Variants in NGEF observed in about 807,000 individuals in gnomAD.
NGEF encodes ephexin-1.
Under a neutral mutation model 80.9 loss-of-function variants are expected in NGEF, and 31 were observed. That is an observed-to-expected ratio of 0.38 (90% CI 0.29 to 0.52). The LOEUF (loss-of-function observed/expected upper bound fraction) is 0.52, where lower values mean the gene tolerates loss of function less well. Ranked by LOEUF, NGEF falls within the 20% of genes least tolerant of loss-of-function variation. The probability of loss-of-function intolerance (pLI) is 0.84; values close to 1 mark genes in which losing one functional copy is unlikely to be tolerated. For synonymous variants in NGEF, 371 were observed against 370.2 expected, an observed-to-expected ratio of 1.00 and a Z score of -0.03; for missense variants, 709 against 926.2, an observed-to-expected ratio of 0.77 and a Z score of 3.04.
chr2:232,948,611 G>A (rs574220908), intron 3 of NGEF, among the ~76,000 whole-genome samples: 2 of 152,146 alleles, frequency 1.3e-5, no homozygotes, highest in Non-Finnish European at 2.9e-5. Flanking sequence ...GGAGCTTATT[G>A]TGCTATTCTT....
intron 13 of NGEF, among the ~76,000 whole-genome samples, chr2:232,881,751 A>G (rs1356313092): frequency 1.3e-5 from 2 of 152,024 alleles, no homozygotes; most frequent in Admixed American, 1.3e-4. Context: ...GCTATTCCGT[A>G]TTTTTAGTAG....
chr2:233,003,458 G>A (rs907992920), intron 1 of NGEF, among the ~76,000 whole-genome samples: 1 of 152,132 alleles, frequency 6.6e-6, no homozygotes, highest in African/African-American at 2.4e-5. Flanking sequence ...ATGGACCCTC[G>A]GGTATCCGCC....
At chr2:232,909,489 G>A (rs1425783438) in intron 5 of NGEF, among the ~76,000 whole-genome samples, 3 of 151,844 alleles carry the variant, frequency 2.0e-5, no homozygotes, top group African/African-American at 7.3e-5. Context: ...ATATTTTTTG[G>A]AGGGGGTAAC....
intron 1 of NGEF, among the ~76,000 whole-genome samples, chr2:232,993,457 T>C (rs997704433): frequency 1.3e-5 from 2 of 151,958 alleles, no homozygotes. Flanking sequence ...GGAATCCTCA[T>C]GCACTGCAGA....
At position 232,925,574 on chromosome 2, in the gene NGEF, AG is replaced by A. The variant is rs760979570; in HGVS notation, c.526+1469del. ...TTCGGACTTCTGCCACCAGCCCAGC[AG>A]GTTCAGCCGTCTCCAAGAAAGACAG... is the stretch of plus-strand genomic sequence containing the variant. On this transcript the variant is annotated intron_variant, in intron 4 of 14. Transcript: ENST00000264051. 5.9e-5 allele frequency among the ~76,000 whole-genome samples: 9 copies of A among 152,270 alleles called. 1 individual carries two copies. Among genetic ancestry groups the A allele is most frequent in the Admixed American group, 1.3e-4 (2 of 15,298 alleles).
At chr2:232,895,260 C>G (rs1435612417) in intron 5 of NGEF, among the ~76,000 whole-genome samples, 2 of 152,170 alleles carry the variant, frequency 1.3e-5, no homozygotes, top group Non-Finnish European at 2.9e-5. Flanking sequence ...GGCGTGGTGA[C>G]TCACTCTTGT....
At chr2:232,972,891 G>T (rs561548600) in intron 2 of NGEF, among the ~76,000 whole-genome samples, 77 of 151,746 alleles carry the variant, frequency 5.1e-4, no homozygotes, top group African/African-American at 1.8e-3. Flanking sequence ...TGGGTAGCTG[G>T]CATTACAAGC....
chr2:232,967,494 C>A (rs76016196), intron 3 of NGEF, among the ~76,000 whole-genome samples: 3 of 82,368 alleles, frequency 3.6e-5, no homozygotes, highest in Non-Finnish European at 9.2e-5. Flanking sequence ...ACTACCATCC[C>A]GGACTTATTT....
intron 3 of NGEF, among the ~76,000 whole-genome samples, chr2:232,928,745 C>T (rs1018526941): frequency 4.6e-5 from 7 of 152,170 alleles, no homozygotes; most frequent in Non-Finnish European, 7.4e-5. Flanking sequence ...CAGCTACGCA[C>T]GACCCTGGCG....
At chr2:232,966,854 G>T (rs1232359923) in intron 3 of NGEF, among the ~76,000 whole-genome samples, 1 of 152,056 alleles carries the variant, frequency 6.6e-6, no homozygotes, top group Non-Finnish European at 1.5e-5. Flanking sequence ...CTCCAGTGAG[G>T]GTGGGGGGGG....
chr2:232,920,234 GGCCACCCCGGTGT>G, intron 5 of NGEF, 37 bp downstream of exon 5: 2 of 1,557,880 alleles, frequency 1.3e-6, no homozygotes, highest in East Asian at 4.5e-5. Flanking sequence ...CAGCAGTGAG[GGCCACCCCGGTGT>G]GCTGTGGGGG....
chr2:232,897,591 A>AAG, intron 5 of NGEF, among the ~76,000 whole-genome samples: 1 of 152,112 alleles, frequency 6.6e-6, no homozygotes, highest in African/African-American at 2.4e-5. Flanking sequence ...AAAATAAGGG[A>AAG]CGAATCTGGA....
At chr2:232,911,854 C>G (rs1183089746) in intron 5 of NGEF, among the ~76,000 whole-genome samples, 3 of 152,218 alleles carry the variant, frequency 2.0e-5, no homozygotes, top group Admixed American at 6.5e-5. Flanking sequence ...GGCCTTGTAT[C>G]TGGCAACCTT....
intron 3 of NGEF, among the ~76,000 whole-genome samples, chr2:232,933,732 C>T (rs1210609911): frequency 1.3e-5 from 2 of 152,244 alleles, no homozygotes; most frequent in Non-Finnish European, 2.9e-5. Context: ...TTTTCAAGTG[C>T]TGTTCCCTCC....
At chr2:232,904,113 C>A (rs914734486) in intron 5 of NGEF, among the ~76,000 whole-genome samples, 5 of 152,132 alleles carry the variant, frequency 3.3e-5, no homozygotes, top group African/African-American at 9.7e-5. Flanking sequence ...GACCACAGGG[C>A]CCCTTGCTTC....
chr2:232,934,600 T>TA (rs1362898050), intron 3 of NGEF, among the ~76,000 whole-genome samples: 1 of 152,194 alleles, frequency 6.6e-6, no homozygotes, highest in Non-Finnish European at 1.5e-5. Flanking sequence ...AGGCTGCTAT[T>TA]AAAATCTCCT....
In NGEF at chr2:232,974,656, CT is replaced by C. The variant is rs1257864922; in HGVS notation, c.234del (p.Asp79ThrfsTer20). On this transcript the variant is annotated frameshift_variant, in exon 2 of 15. Transcript: ENST00000264051. LOFTEE classifies it high-confidence loss of function. The stretch of plus-strand genomic sequence containing the variant: ...CAGCTGGCGTTCCGTTCGGGGTTGT[CT>C]CTGGCCTTGGCTTTGCTTTTGCGTC... Reference protein sequence around the residue: ...SIRRKSKAKARDNPERNASCL... With the variant: ...SIRRKSKAKAXDNPERNASCL... 1 of 1,614,102 alleles carries C rather than the reference CT, an allele frequency of 6.2e-7. No individual in the cohort carries two copies. The highest frequency in any genetic ancestry group is 8.5e-7 in the Non-Finnish European group (1 of 1,180,056).
At chr2:232,944,750 T>TATATATATATATATATATATATAG (rs1693518301) in intron 3 of NGEF, among the ~76,000 whole-genome samples, 1 of 134,884 alleles carries the variant, frequency 7.4e-6, no homozygotes, top group Non-Finnish European at 1.7e-5. Context: ...TATATATATA[T>TATATATATATATATATATATATAG]ATATATATAT....
chr2:232,929,545 G>T (rs192727140), intron 3 of NGEF, among the ~76,000 whole-genome samples: 4 of 152,238 alleles, frequency 2.6e-5, no homozygotes, highest in Admixed American at 2.6e-4. Flanking sequence ...GGGCCAGAAC[G>T]GGCAGGTCTG....
Sources: allele counts gnomAD v4.1 joint callset (sites outside exome capture counted in the v4.1 genomes callset), GRCh38; gene constraint gnomAD v4.1.1; transcripts MANE v1.5; gene names NCBI Gene and HGNC (gene_info 2026-07-23, HGNC 2026-07-21).